The following RIF1 variants were observed in gnomAD, a reference collection of about 807,000 sequenced individuals.
The protein encoded by RIF1 is replication timing regulatory factor 1, also known as telomere-associated protein RIF1.
A neutral mutation model predicts 247.1 loss-of-function variants in RIF1; 45 were observed. The observed-to-expected ratio is 0.18, with a 90% CI of 0.14 to 0.23. RIF1 has a LOEUF of 0.23. Ranked by LOEUF, RIF1 falls within the 10% of genes least tolerant of loss-of-function variation. RIF1 has a pLI of 1.00. For synonymous variants in RIF1, 1,087 were observed against 978.8 expected, an observed-to-expected ratio of 1.11 and a Z score of -2.06; for missense variants, 2,967 against 2,862.5, an observed-to-expected ratio of 1.04 and a Z score of -0.83.
At chr2:151,527,569 T>C in the RIF1 span, 7 of 1,612,318 alleles carry the variant, frequency 4.3e-6, no homozygotes, top group Non-Finnish European at 5.9e-6. Context: ...GGCTTCGTAC[T>C]GTTTCTTATA....
chr2:151,410,148 A>C (rs1406462619), intron 1 of RIF1, 115 bp downstream of exon 1: 9 of 670,318 alleles, frequency 1.3e-5, no homozygotes, highest in African/African-American at 5.3e-5. Flanking sequence ...CCCTCCGCCG[A>C]TCTCCTCCCT....
chr2:151,416,228 AGTT>A (rs1272464639), intron 4 of RIF1, among the ~76,000 whole-genome samples: 2 of 152,210 alleles, frequency 1.3e-5, no homozygotes, highest in Non-Finnish European at 2.9e-5. Flanking sequence ...CTAAAGCAGG[AGTT>A]GTTCATTTTG....
intron 10 of RIF1, chr2:151,497,439 A>C: frequency 1.0e-6 from 1 of 980,812 alleles, no homozygotes; most frequent in Non-Finnish European, 1.2e-6. Context: ...ATTGAAATTA[A>C]CTGTATTATA....
chr2:151,516,933 T>A, the RIF1 span, among the ~76,000 whole-genome samples: 1 of 152,218 alleles, frequency 6.6e-6, no homozygotes, highest in Admixed American at 6.5e-5. Flanking sequence ...TTATTAATGC[T>A]ATTAGCATTA....
intron 13 of RIF1, chr2:151,506,902 A>G (rs1317562698): frequency 1.3e-6 from 2 of 1,566,868 alleles, no homozygotes; most frequent in South Asian, 1.1e-5. Context: ...ATAAATAGTA[A>G]ATATACCGAG....
the RIF1 span, chr2:151,533,463 G>A: frequency 6.4e-7 from 1 of 1,551,076 alleles, no homozygotes; most frequent in Admixed American, 2.0e-5. Context: ...TATGCGAATT[G>A]TAGAGAGCAG....
Position 151,463,403 on chromosome 2 carries a change from G to C in RIF1, c.3883G>C (p.Glu1295Gln), listed in dbSNP as rs554477601. 6.2e-7 allele frequency: 1 copy of C among 1,613,904 alleles called. No homozygotes were observed. Among genetic ancestry groups the C allele is most frequent in the African/African-American group, 1.3e-5 (1 of 75,026 alleles). Residue 1295 changes from glutamate to glutamine, a missense_variant, in exon 30 of 36, where the codon GAA (glutamate) becomes CAA (glutamine). By Grantham distance (29) the Glu-to-Gln change is conservative. Coordinates refer to ENST00000444746, the MANE Select transcript of RIF1 (RefSeq NM_018151.5). ...ATCAAGCCGGAGAGCTGGTAAAGCTGAACAAACAGGGAATAAAAGGTCTAA... is the reference window on the plus strand; with the variant it reads ...ATCAAGCCGGAGAGCTGGTAAAGCTCAACAAACAGGGAATAAAAGGTCTAA... ...KRSSRRAGKA[E>Q]QTGNKRSKPL...
intron 18 of RIF1, 29 bp downstream of exon 18, chr2:151,443,738 G>T (rs938182811): frequency 2.2e-6 from 3 of 1,382,500 alleles, no homozygotes; most frequent in South Asian, 1.8e-5. Flanking sequence ...ACGTATTTTG[G>T]ATAATAGACC....
rs1218564315 is a variant in RIF1 at position 151,479,068 on chromosome 2, C to G, written c.*3997C>G. 5 of 152,102 alleles carry G rather than the reference C, an allele frequency of 3.3e-5. No individual in the cohort carries two copies. Among genetic ancestry groups the G allele is most frequent in the African/African-American group, 1.2e-4 (5 of 41,422 alleles). 9.4% of individuals were successfully genotyped at this position (152,102 alleles called of 1,614,324 possible). On this transcript the variant is annotated 3_prime_UTR_variant, in exon 36 of 36. Coordinates refer to ENST00000444746, the MANE Select transcript of RIF1 (RefSeq NM_018151.5). ...GATTCAGTAGATCTGCATTGGGCCC[C>G]GTGAGTCTTTTTAAACACAGTCCCA...
At chr2:151,414,963 A>T (rs367584697) in intron 4 of RIF1, 44 bp downstream of exon 4, 10 of 1,251,206 alleles carry the variant, frequency 8.0e-6, no homozygotes, top group Non-Finnish European at 1.1e-5. Flanking sequence ...AGTATAAAGT[A>T]TAAGTTTTAA....
intron 5 of RIF1, 43 bp from the exon 6 acceptor site, chr2:151,416,764 G>A (rs1288973180): frequency 2.5e-6 from 4 of 1,602,246 alleles, no homozygotes; most frequent in South Asian, 2.3e-5. Flanking sequence ...AATAAAAACA[G>A]TTCAGGCTTA....
At chr2:151,412,582 G>T (rs1485605695) in intron 3 of RIF1, among the ~76,000 whole-genome samples, 1 of 152,048 alleles carries the variant, frequency 6.6e-6, no homozygotes, top group Admixed American at 6.6e-5. Context: ...CTGCCTCCCA[G>T]GTTCAAGTGA....
At chr2:151,460,194 A>G in intron 26 of RIF1, 75 bp downstream of exon 26, 3 of 1,155,916 alleles carry the variant, frequency 2.6e-6, no homozygotes, top group Non-Finnish European at 3.6e-6. Context: ...TAAAAATTGG[A>G]TGAAAGAACT....
chr2:151,467,855 C>G, intron 30 of RIF1, 145 bp from the exon 31 acceptor site: 1 of 637,404 alleles, frequency 1.6e-6, no homozygotes. Flanking sequence ...TGAAGGCAGT[C>G]GCTAGGAACT....
intron 34 of RIF1, among the ~76,000 whole-genome samples, chr2:151,471,472 A>G (rs2048520481): frequency 6.6e-6 from 1 of 152,196 alleles, no homozygotes; most frequent in Admixed American, 6.5e-5. Context: ...GGTATTGCCA[A>G]GGTTTTCTTC....
At chr2:151,471,865 T>C (rs2152537057) in intron 34 of RIF1, among the ~76,000 whole-genome samples, 1 of 152,328 alleles carries the variant, frequency 6.6e-6, no homozygotes, top group South Asian at 2.1e-4. Flanking sequence ...TCTTTTTTCG[T>C]TGCATATGAA....
chr2:151,448,216 G>A (rs1035385913), intron 20 of RIF1, among the ~76,000 whole-genome samples: 19 of 151,780 alleles, frequency 1.3e-4, no homozygotes, highest in Non-Finnish European at 1.8e-4. Context: ...GCTAATTTTT[G>A]TATTTTTAGT....
At position 151,420,172 on chromosome 2, in the gene RIF1, T is replaced by G. The variant is rs370938217; in HGVS notation, c.504-18T>G. On this transcript the variant is annotated intron_variant, in intron 6 of 35. Transcript: ENST00000444746. ...AACATGAGGTCACGCTAATTATTCA[T>G]TGATTTCTCTATTATAGGCTAATTG... 3 of 1,597,200 alleles carry G rather than the reference T, an allele frequency of 1.9e-6. No individual in the cohort carries two copies. The highest frequency in any genetic ancestry group is 2.6e-6 in the Non-Finnish European group (3 of 1,167,908).
downstream of RIF1, among the ~76,000 whole-genome samples, chr2:151,484,661 T>C (rs1012839627): frequency 1.5e-4 from 23 of 152,170 alleles, no homozygotes; most frequent in African/African-American, 5.5e-4. Context: ...AGTTTGGGAG[T>C]TGGAAATCAC....
Sources: gnomAD v4.1 joint callset for allele counts (sites outside exome capture counted in the v4.1 genomes callset) on GRCh38, gnomAD v4.1.1 for gene constraint, MANE v1.5 for transcripts, NCBI Gene and HGNC (gene_info 2026-07-23, HGNC 2026-07-21) for gene names.